BCAS4: variants seen among roughly 807,000 people sequenced by gnomAD.
BCAS4 encodes the protein breast carcinoma amplified sequence 4.
Under a neutral mutation model 15.7 loss-of-function variants are expected in BCAS4, and 9 were observed. That is an observed-to-expected ratio of 0.57 (90% CI 0.34 to 1.00). BCAS4 has a LOEUF of 1.00. BCAS4 is among the 50% of genes least tolerant of loss of function. The probability of loss-of-function intolerance (pLI) is 0.02; values close to 1 mark genes in which losing one functional copy is unlikely to be tolerated. For missense variants in BCAS4, 225 were observed against 239.1 expected, an observed-to-expected ratio of 0.94 and a Z score of 0.39; for synonymous variants, 101 against 99.5, an observed-to-expected ratio of 1.02 and a Z score of -0.09.
At chr20:50,876,344 C>G in intron 4 of BCAS4, 142 bp from the exon 5 acceptor site, 1 of 1,175,126 alleles carries the variant, frequency 8.5e-7, no homozygotes, top group East Asian at 2.5e-5. Flanking sequence ...CTTTGGCTGT[C>G]ACAGGCAGTG....
In BCAS4 at chr20:50,795,169, C is replaced by T; in HGVS notation, c.86C>T (p.Ala29Val). 1 of 1,444,994 alleles carries T rather than the reference C, an allele frequency of 6.9e-7. No homozygotes were observed. The highest frequency in any genetic ancestry group is 9.1e-7 in the Non-Finnish European group (1 of 1,093,044). 89.5% of individuals were successfully genotyped at this position (1,444,994 alleles called of 1,614,324 possible). A position where few individuals can be genotyped will look rare whatever the true frequency, so the allele number is the denominator to read the frequency against. The change falls in exon 1 of 5, where the codon GCC becomes GTC. Residue 29 changes from alanine (A) to valine (V), a missense_variant. Ala to Val is a moderately conservative substitution (Grantham distance 64, BLOSUM62 0). Transcript: ENST00000371608. ...LALFLTPEPG[A>V]EAKEVEETIE... is the part of the protein sequence containing the mutation. The stretch of plus-strand genomic sequence containing the variant: ...CTCTTCCTGACCCCCGAGCCTGGGG[C>T]CGAGGTAGGGGACGGGGCTGTGGAG...
At chr20:50,871,210 G>A (rs944965828) in intron 4 of BCAS4, among the ~76,000 whole-genome samples, 2 of 152,204 alleles carry the variant, frequency 1.3e-5, no homozygotes, top group African/African-American at 4.8e-5. Context: ...TGGACAGGCC[G>A]AGGGGACCCC....
At chr20:50,830,544 A>G (rs1269228399) in intron 3 of BCAS4, among the ~76,000 whole-genome samples, 164 bp downstream of exon 3, 2 of 152,230 alleles carry the variant, frequency 1.3e-5, no homozygotes, top group African/African-American at 4.8e-5. Flanking sequence ...TTTCAAAAAA[A>G]TCACAAGTAA....
chr20:50,849,789 A>G (rs929740979), intron 4 of BCAS4, among the ~76,000 whole-genome samples: 1 of 152,164 alleles, frequency 6.6e-6, no homozygotes, highest in Non-Finnish European at 1.5e-5. Flanking sequence ...GAATCTTCCC[A>G]TGTCAAAAAG....
intron 4 of BCAS4, among the ~76,000 whole-genome samples, chr20:50,845,765 G>A (rs552803890): frequency 6.4e-4 from 98 of 152,372 alleles, no homozygotes; most frequent in Non-Finnish European, 9.6e-4. Flanking sequence ...AGGGTCCATG[G>A]AGTGGAGAGG....
intron 4 of BCAS4, among the ~76,000 whole-genome samples, chr20:50,874,347 C>T (rs893110105): frequency 1.5e-4 from 23 of 152,294 alleles, no homozygotes; most frequent in African/African-American, 5.3e-4. Context: ...TACCTCTATA[C>T]CCCTGTTCTC....
At chr20:50,809,588 G>A (rs1392545894) in intron 1 of BCAS4, among the ~76,000 whole-genome samples, 1 of 152,030 alleles carries the variant, frequency 6.6e-6, no homozygotes, top group Non-Finnish European at 1.5e-5. Flanking sequence ...GGCTGTGAGG[G>A]CTCTTTTTTG....
chr20:50,804,963 C>A (rs201229128), intron 1 of BCAS4, among the ~76,000 whole-genome samples: 6 of 152,250 alleles, frequency 3.9e-5, no homozygotes, highest in Admixed American at 2.0e-4. Context: ...GATCTTTCAA[C>A]CTTCATTTCA....
At chr20:50,818,989 C>G (rs2123775752) in intron 2 of BCAS4, among the ~76,000 whole-genome samples, 1 of 152,210 alleles carries the variant, frequency 6.6e-6, no homozygotes, top group South Asian at 2.1e-4. Flanking sequence ...TCAAGACCAG[C>G]CTGACCAACA....
intron 4 of BCAS4, among the ~76,000 whole-genome samples, chr20:50,847,484 C>A (rs1178863839): frequency 6.6e-6 from 1 of 152,198 alleles, no homozygotes; most frequent in African/African-American, 2.4e-5. Flanking sequence ...GCTGACAGAG[C>A]CAGCCCTGCT....
At chr20:50,872,733 G>T (rs1979719676) in intron 4 of BCAS4, among the ~76,000 whole-genome samples, 1 of 152,228 alleles carries the variant, frequency 6.6e-6, no homozygotes, top group Non-Finnish European at 1.5e-5. Flanking sequence ...ATGCCCCTCT[G>T]CCCCTGCCTG....
intron 1 of BCAS4, among the ~76,000 whole-genome samples, chr20:50,809,333 C>T (rs1600849992): frequency 6.6e-6 from 1 of 152,124 alleles, no homozygotes; most frequent in East Asian, 1.9e-4. Context: ...CCTCAGTGTC[C>T]CCAATAGCTG....
intron 4 of BCAS4, among the ~76,000 whole-genome samples, chr20:50,875,615 A>G (rs948575735): frequency 1.2e-4 from 18 of 150,932 alleles, no homozygotes; most frequent in Admixed American, 1.3e-4. Context: ...AAAAAAAAAA[A>G]AAAAAAAGAA....
At chr20:50,873,263 C>T (rs192404398) in intron 4 of BCAS4, among the ~76,000 whole-genome samples, 19 of 152,324 alleles carry the variant, frequency 1.2e-4, no homozygotes, top group East Asian at 9.7e-4. Context: ...GAAACTCCAT[C>T]CCTCTGCACA....
intron 4 of BCAS4, among the ~76,000 whole-genome samples, chr20:50,853,534 C>T (rs921167842): frequency 1.3e-5 from 2 of 152,092 alleles, no homozygotes; most frequent in Admixed American, 1.3e-4. Flanking sequence ...ATGCAAACCC[C>T]ATTCGCCCTT....
chr20:50,852,780 C>T (rs1440096922), intron 4 of BCAS4, among the ~76,000 whole-genome samples: 6 of 152,208 alleles, frequency 3.9e-5, no homozygotes, highest in African/African-American at 1.4e-4. Flanking sequence ...TCCTCAGGGC[C>T]CTTGGTTCAG....
chr20:50,832,817 T>C (rs979005083), intron 3 of BCAS4: 9 of 152,282 alleles, frequency 5.9e-5, no homozygotes, highest in African/African-American at 2.2e-4. Context: ...GCCTCCCTCT[T>C]GTAAGGACCC....
chr20:50,799,380 A>G (rs1047689673), intron 1 of BCAS4, among the ~76,000 whole-genome samples: 1 of 152,200 alleles, frequency 6.6e-6, no homozygotes, highest in Non-Finnish European at 1.5e-5. Context: ...TTTATTTACC[A>G]AAAGAAACAG....
intron 1 of BCAS4, among the ~76,000 whole-genome samples, chr20:50,803,797 C>T (rs1016361491): frequency 3.6e-5 from 5 of 139,036 alleles, no homozygotes; most frequent in African/African-American, 1.4e-4. Context: ...TGAGACTAGA[C>T]TCCCAAAAAA....
Sources: gnomAD v4.1 joint callset for allele counts (sites outside exome capture counted in the v4.1 genomes callset) on GRCh38, gnomAD v4.1.1 for gene constraint, MANE v1.5 for transcripts, NCBI Gene and HGNC (gene_info 2026-07-23, HGNC 2026-07-21) for gene names.